The following ITPKB variants were observed in gnomAD, a reference collection of about 807,000 sequenced individuals.
ITPKB encodes the protein IP3 3-kinase B.
A neutral mutation model predicts 69.4 loss-of-function variants in ITPKB; 13 were observed. The ratio of observed to expected loss-of-function variants is 0.19; its 90% CI spans 0.12 to 0.30. The LOEUF is 0.30. Ranked by LOEUF, ITPKB falls within the 10% of genes least tolerant of loss-of-function variation. The probability of loss-of-function intolerance (pLI) is 1.00; values close to 1 mark genes in which losing one functional copy is unlikely to be tolerated. For synonymous variants in ITPKB, 584 were observed against 513.7 expected, an observed-to-expected ratio of 1.14 and a Z score of -1.85; for missense variants, 1,240 against 1,250.5, an observed-to-expected ratio of 0.99 and a Z score of 0.13.
Position 226,736,553 on chromosome 1 carries a change from C to T in ITPKB, c.906G>A (p.Met302Ile). 1 of 1,614,022 alleles carries T rather than the reference C, an allele frequency of 6.2e-7. No individual in the cohort carries two copies. Among genetic ancestry groups the T allele is most frequent in the South Asian group, 1.1e-5 (1 of 91,090 alleles). The change falls in exon 2 of 8, where the codon ATG (methionine) becomes ATA (isoleucine). Residue 302 changes from methionine to isoleucine, a missense_variant. Around this residue, in one of 2 missense-constraint regions of ITPKB, gnomAD observed 992 missense variants for 853.8 expected, o/e 1.16. Transcript: ENST00000429204. ...TAACTCTCGCTGCCACTTCCGTGGC[C>T]ATCGTTAAGCTAGCTCCGAACAGCC... is the stretch of plus-strand genomic sequence containing the variant. ...SLGLFGASLT[M>I]ATEVAARVTS...
chr1:226,652,566 C>T (rs1209403041), intron 2 of ITPKB, among the ~76,000 whole-genome samples: 1 of 152,242 alleles, frequency 6.6e-6, no homozygotes, highest in Non-Finnish European at 1.5e-5. Context: ...TGTCTCTTCT[C>T]TGTCTGAAAT....
chr1:226,735,205 G>T (rs1459476739), intron 2 of ITPKB, among the ~76,000 whole-genome samples: 3 of 152,242 alleles, frequency 2.0e-5, no homozygotes, highest in African/African-American at 7.2e-5. Flanking sequence ...GATTAGTCCA[G>T]AAGTTTTTGG....
chr1:226,689,349 T>C lies in ITPKB; in HGVS notation c.1933-40578A>G, dbSNP rs527514726. On this transcript the variant is annotated intron_variant, in intron 2 of 7. Transcript: ENST00000429204. ...CTCAGAACATTTTTGGAAAGTCCTA[T>C]TGTGGAGCAGCCTTTGTTTCCCAGA... Among the ~76,000 whole-genome samples, 4 of 152,324 alleles carry C rather than the reference T, an allele frequency of 2.6e-5. No homozygotes were observed. The South Asian group carries it at 8.3e-4, about 32-fold the overall frequency.
chr1:226,713,247 CTTCCT>C (rs776065296), intron 2 of ITPKB, among the ~76,000 whole-genome samples: 2 of 152,160 alleles, frequency 1.3e-5, no homozygotes, highest in Non-Finnish European at 2.9e-5. Context: ...CTAATTCTGC[CTTCCT>C]TTGAGTTGCT....
intron 2 of ITPKB, among the ~76,000 whole-genome samples, chr1:226,722,527 C>T (rs894058640): frequency 1.3e-5 from 2 of 152,194 alleles, no homozygotes; most frequent in Non-Finnish European, 2.9e-5. Flanking sequence ...GCATCCCAGA[C>T]GCTGCTCCAT....
At chr1:226,684,301 C>T (rs1296422038) in intron 2 of ITPKB, among the ~76,000 whole-genome samples, 2 of 152,176 alleles carry the variant, frequency 1.3e-5, no homozygotes, top group African/African-American at 4.8e-5. Flanking sequence ...ACCAGATACT[C>T]ACTGTCCAGC....
chr1:226,634,462 C>T lies in ITPKB; in HGVS notation c.*209G>A. 1 of 575,172 alleles carries T rather than the reference C, an allele frequency of 1.7e-6. No homozygotes were observed. Among genetic ancestry groups the T allele is most frequent in the East Asian group, 2.9e-5 (1 of 34,608 alleles). 35.6% of individuals were successfully genotyped at this position (575,172 alleles called of 1,614,324 possible). A position where few individuals can be genotyped will look rare whatever the true frequency, so the allele number is the denominator to read the frequency against. On this transcript the variant is annotated 3_prime_UTR_variant, in exon 8 of 8. Transcript: ENST00000429204. The surrounding 1 kb of genome is among the most constrained non-coding windows in gnomAD (Gnocchi z 6.3). ...GGGCATTTCTCTTCTAGTAGGTGAC[C>T]CTCTCTACAAAAAGCAGTGCAAACA...
At chr1:226,643,660 G>A (rs139270273) in intron 4 of ITPKB, among the ~76,000 whole-genome samples, 212 of 152,304 alleles carry the variant, frequency 1.4e-3, no homozygotes, top group Non-Finnish European at 2.5e-3. Flanking sequence ...AAATTTGCAC[G>A]GAAAGAAAAG....
chr1:226,702,162 G>C (rs555204789), intron 2 of ITPKB, among the ~76,000 whole-genome samples: 37 of 152,222 alleles, frequency 2.4e-4, no homozygotes, highest in African/African-American at 8.7e-4. Flanking sequence ...TTGGGAGGCC[G>C]AGGTGGGTGG....
intron 2 of ITPKB, among the ~76,000 whole-genome samples, chr1:226,684,551 T>G (rs780388985): frequency 3.3e-5 from 5 of 152,120 alleles, no homozygotes; most frequent in Non-Finnish European, 5.9e-5. Flanking sequence ...TCAGACTTGT[T>G]CTAGAACTGG....
intron 7 of ITPKB, among the ~76,000 whole-genome samples, chr1:226,636,752 C>CTGTGTGTGTGTGTGTG (rs3831353): frequency 1.4e-4 from 20 of 140,086 alleles, no homozygotes; most frequent in Non-Finnish European, 1.5e-4. Context: ...GACTGCAGCT[C>CTGTGTGTGTGTGTGTG]TGTGTGTGTG....
chr1:226,658,803 C>G (rs1039109867), intron 2 of ITPKB, among the ~76,000 whole-genome samples: 19 of 152,208 alleles, frequency 1.2e-4, no homozygotes, highest in African/African-American at 4.6e-4. Context: ...GGTGAAGTCC[C>G]TCCTTCAGAA....
At chr1:226,704,818 T>G (rs1022279942) in intron 2 of ITPKB, among the ~76,000 whole-genome samples, 7 of 152,246 alleles carry the variant, frequency 4.6e-5, no homozygotes, top group African/African-American at 9.6e-5. Context: ...AGCCTCGACT[T>G]CATTTGAAAT....
At position 226,637,146 on chromosome 1, in the gene ITPKB, T is replaced by G. The variant is rs1377513592; in HGVS notation, c.2625+533A>C. Among the ~76,000 whole-genome samples, 2 of 152,168 alleles carry G rather than the reference T, an allele frequency of 1.3e-5. No individual in the cohort carries two copies. Among genetic ancestry groups the G allele is most frequent in the African/African-American group, 4.8e-5 (2 of 41,432 alleles). On this transcript the variant is annotated intron_variant, in intron 7 of 7. Transcript: ENST00000429204. This position sits in a 1 kb window ranked among gnomAD's most constrained non-coding sequence, Gnocchi z 4.3. ...TCCCCATGTCAGGGTCTCACACCCC[T>G]CCAGGGAACCTGCCGACACCTCCCA...
intron 2 of ITPKB, among the ~76,000 whole-genome samples, chr1:226,714,883 C>G (rs528390903): frequency 2.0e-5 from 3 of 152,220 alleles, no homozygotes; most frequent in Admixed American, 6.5e-5. Context: ...GCGATTCTCC[C>G]CATGGGGGAC....
Position 226,720,834 on chromosome 1 carries a change from G to T in ITPKB, c.1932+14693C>A, listed in dbSNP as rs372086178. ...TGGGAGGCCGAGACGGGCAGATCACGCGGTTCAAGATCAGCCTGGCCAAGA... is the reference window on the plus strand; with the variant it reads ...TGGGAGGCCGAGACGGGCAGATCACTCGGTTCAAGATCAGCCTGGCCAAGA... On this transcript the variant is annotated intron_variant, in intron 2 of 7. Transcript: ENST00000429204. 2.2e-4 allele frequency among the ~76,000 whole-genome samples: 33 copies of T among 147,302 alleles called. No individual in the cohort carries two copies. The South Asian group carries it at 7.2e-3, about 32-fold the overall frequency.
At chr1:226,638,172 G>T (rs1423824539) in intron 6 of ITPKB, among the ~76,000 whole-genome samples, 1 of 152,226 alleles carries the variant, frequency 6.6e-6, no homozygotes, top group East Asian at 1.9e-4. Context: ...GGCCAGCCGA[G>T]CAGCCCCCTG....
At chr1:226,701,760 G>T (rs924127665) in intron 2 of ITPKB, among the ~76,000 whole-genome samples, 1 of 152,120 alleles carries the variant, frequency 6.6e-6, no homozygotes, top group African/African-American at 2.4e-5. Flanking sequence ...TTCTGCTGCT[G>T]GCTGCGCCTG....
At chr1:226,649,561 A>G (rs1037633258) in intron 2 of ITPKB, among the ~76,000 whole-genome samples, 1 of 147,918 alleles carries the variant, frequency 6.8e-6, no homozygotes, top group Admixed American at 6.7e-5. Flanking sequence ...TGATATGCAC[A>G]TATGTGTGCA....
Sources: gnomAD v4.1 joint callset for allele counts (sites outside exome capture counted in the v4.1 genomes callset) on GRCh38, gnomAD v4.1.1 for gene constraint, gnomAD v4.1.1 regional missense constraint, Gnocchi (gnomAD v3.1) non-coding constraint, MANE v1.5 for transcripts, NCBI Gene and HGNC (gene_info 2026-07-23, HGNC 2026-07-21) for gene names.